The following CPPED1 variants were observed in gnomAD, a reference collection of about 807,000 sequenced individuals.
CPPED1 encodes calcineurin like phosphoesterase domain containing 1, also known as serine/threonine-protein phosphatase CPPED1.
Under a neutral mutation model 28.0 loss-of-function variants are expected in CPPED1, and 28 were observed. The ratio of observed to expected loss-of-function variants is 1.00; its 90% CI spans 0.74 to 1.37. CPPED1 has a LOEUF of 1.37. CPPED1 is among the 40% of genes most tolerant of loss of function. The pLI is 0.00. For missense variants in CPPED1, 504 were observed against 416.5 expected, an observed-to-expected ratio of 1.21 and a Z score of -1.83; for synonymous variants, 198 against 180.2, an observed-to-expected ratio of 1.10 and a Z score of -0.79.
chr16:12,733,958 C>T (rs2080212659), intron 2 of CPPED1, among the ~76,000 whole-genome samples: 1 of 151,154 alleles, frequency 6.6e-6, no homozygotes, highest in East Asian at 1.9e-4. Flanking sequence ...TATAAAACAG[C>T]AATTCCATAA....
At chr16:12,770,548 C>T (rs867908671) in intron 2 of CPPED1, among the ~76,000 whole-genome samples, 3 of 152,022 alleles carry the variant, frequency 2.0e-5, no homozygotes, top group East Asian at 1.9e-4. Flanking sequence ...CTGACCAGGG[C>T]GTGGTGGCTC....
In CPPED1 at chr16:12,709,971, A is replaced by G. The variant is rs2080071827; in HGVS notation, c.290-4922T>C. On this transcript the variant is annotated intron_variant, in intron 2 of 3. Coordinates refer to ENST00000381774, the MANE Select transcript of CPPED1 (RefSeq NM_018340.3). The surrounding 1 kb of genome is among the most constrained non-coding windows in gnomAD (Gnocchi z 4.4). ...GGAAGGAAAGAAGGGAAGGAAGGCA[A>G]GGAAGGAAGGAAGGGAAGAGAAGAG... Among the ~76,000 whole-genome samples the G allele has an allele frequency of 6.7e-6, 1 of 149,088 alleles. No homozygotes were observed. The highest frequency in any genetic ancestry group is 1.5e-5 in the Non-Finnish European group (1 of 67,052).
chr16:12,801,156 C>G (rs937182296), intron 1 of CPPED1, among the ~76,000 whole-genome samples: 2 of 152,130 alleles, frequency 1.3e-5, no homozygotes, highest in African/African-American at 4.8e-5. Flanking sequence ...TGCAGTGGCA[C>G]ATTCTCGGCT....
At chr16:12,685,862 T>G (rs1451926809) in intron 3 of CPPED1, among the ~76,000 whole-genome samples, 1 of 152,238 alleles carries the variant, frequency 6.6e-6, no homozygotes, top group African/African-American at 2.4e-5. Flanking sequence ...AAGGTTATGT[T>G]TCTTTTAAAA....
At chr16:12,782,188 C>T (rs1039979574) in intron 1 of CPPED1, among the ~76,000 whole-genome samples, 10 of 152,102 alleles carry the variant, frequency 6.6e-5, no homozygotes, top group Admixed American at 1.3e-4. Flanking sequence ...AGAACTGCCG[C>T]GCCAGTGCCT....
intron 2 of CPPED1, among the ~76,000 whole-genome samples, chr16:12,746,918 G>C (rs1407349409): frequency 6.6e-6 from 1 of 152,010 alleles, no homozygotes; most frequent in Non-Finnish European, 1.5e-5. Flanking sequence ...GGGCCAGGTG[G>C]AACTCAAGTG....
chr16:12,798,323 G>A (rs961954337), intron 1 of CPPED1, among the ~76,000 whole-genome samples: 1 of 152,126 alleles, frequency 6.6e-6, no homozygotes, highest in African/African-American at 2.4e-5. Flanking sequence ...TCAAATAAGA[G>A]ATAACTAGTT....
chr16:12,789,537 A>AT (rs1236092828), intron 1 of CPPED1, among the ~76,000 whole-genome samples: 2 of 151,928 alleles, frequency 1.3e-5, no homozygotes, highest in African/African-American at 2.4e-5. Flanking sequence ...AGTTACCATA[A>AT]TTTTTTTTAA....
intron 3 of CPPED1, among the ~76,000 whole-genome samples, chr16:12,693,150 G>A (rs1314370245): frequency 6.6e-6 from 1 of 152,172 alleles, no homozygotes; most frequent in Non-Finnish European, 1.5e-5. Flanking sequence ...GCACCTTTAA[G>A]GTCCTGATAG....
chr16:12,662,980 G>A lies in CPPED1; in HGVS notation c.*1906C>T, dbSNP rs1424036534. On this transcript the variant is annotated 3_prime_UTR_variant, in exon 4 of 4. Transcript: ENST00000381774. ...GAGCTCCTTTTCATTTCCCCCTGGA[G>A]GAACCCCCATCCTGGAATCGAAGCC... is the stretch of plus-strand genomic sequence containing the variant. The A allele has an allele frequency of 6.6e-6, 1 of 152,066 alleles. No homozygotes were observed. 9.4% of individuals were successfully genotyped at this position (152,066 alleles called of 1,614,324 possible).
intron 2 of CPPED1, among the ~76,000 whole-genome samples, chr16:12,761,563 G>A: frequency 6.6e-6 from 1 of 152,154 alleles, no homozygotes; most frequent in Non-Finnish European, 1.5e-5. Context: ...TTTACCCAAT[G>A]ATAATGAATC....
intron 1 of CPPED1, among the ~76,000 whole-genome samples, chr16:12,789,843 C>T (rs1204457683): frequency 6.6e-6 from 1 of 152,068 alleles, no homozygotes; most frequent in Non-Finnish European, 1.5e-5. Context: ...CCATAATTTT[C>T]TAAATCGAAT....
intron 3 of CPPED1, among the ~76,000 whole-genome samples, chr16:12,679,431 CAAAA>C (rs1323105749): frequency 7.2e-5 from 11 of 152,012 alleles, no homozygotes; most frequent in African/African-American, 2.4e-4. Flanking sequence ...GAATATCAAA[CAAAA>C]GAAAGTGGGA....
intron 2 of CPPED1, among the ~76,000 whole-genome samples, chr16:12,774,891 G>C (rs976406124): frequency 3.3e-5 from 5 of 152,090 alleles, no homozygotes; most frequent in Admixed American, 1.3e-4. Flanking sequence ...GCATGATCAC[G>C]GCTCACTGAA....
Position 12,704,981 on chromosome 16 carries a change from G to A in CPPED1, c.358C>T (p.Pro120Ser). The A allele has an allele frequency of 1.9e-6, 3 of 1,614,198 alleles. No homozygotes were observed. The highest frequency in any genetic ancestry group is 1.3e-5 in the African/African-American group (1 of 75,058). Residue 120 changes from proline (P) to serine (S), a missense_variant, in exon 3 of 4, where the codon CCA (proline) becomes TCA (serine). By Grantham distance (74) the Pro-to-Ser change is moderately conservative. Coordinates refer to ENST00000381774, the MANE Select transcript of CPPED1 (RefSeq NM_018340.3). ...RVLRAVDRAI[P>S]LVLVSGNHDI... ...TGGTTGCCGCTGACAAGGACCAGTG[G>A]GATGGCCCTGTCCACTGCCCTAAGC... is the stretch of plus-strand genomic sequence containing the variant.
chr16:12,668,287 A>AT (rs1014286927), intron 3 of CPPED1, among the ~76,000 whole-genome samples: 1 of 152,178 alleles, frequency 6.6e-6, no homozygotes, highest in Non-Finnish European at 1.5e-5. Flanking sequence ...TTAACTATTG[A>AT]TTTTTTTAAA....
At chr16:12,715,748 G>A (rs1039628415) in intron 2 of CPPED1, among the ~76,000 whole-genome samples, 1 of 151,178 alleles carries the variant, frequency 6.6e-6, no homozygotes, top group East Asian at 2.0e-4. Flanking sequence ...GGCTGGTCTC[G>A]AACCCCCGAC....
At chr16:12,722,602 G>A (rs1261989476) in intron 2 of CPPED1, among the ~76,000 whole-genome samples, 1 of 152,160 alleles carries the variant, frequency 6.6e-6, no homozygotes, top group Non-Finnish European at 1.5e-5. Context: ...TAGGTGTGGT[G>A]GTGTGCACCT....
At chr16:12,676,126 T>C (rs2079876500) in intron 3 of CPPED1, among the ~76,000 whole-genome samples, 1 of 152,212 alleles carries the variant, frequency 6.6e-6, no homozygotes, top group South Asian at 2.1e-4. Flanking sequence ...CTCATCAGAA[T>C]TTCCCTGGTA....
Sources: allele counts gnomAD v4.1 joint callset (sites outside exome capture counted in the v4.1 genomes callset), GRCh38; gene constraint gnomAD v4.1.1; non-coding constraint Gnocchi (gnomAD v3.1); transcripts MANE v1.5; gene names NCBI Gene and HGNC (gene_info 2026-07-23, HGNC 2026-07-21).